Variants in TMEM106A observed in about 807,000 individuals in gnomAD.
The protein encoded by TMEM106A is transmembrane protein 106A.
TMEM106A carries 22 observed loss-of-function variants against 25.1 expected under a neutral mutation model. That is an observed-to-expected ratio of 0.88 (90% CI 0.63 to 1.25). TMEM106A has a LOEUF of 1.25. Among genes scored for constraint, TMEM106A ranks in the 50% most tolerant of loss-of-function variants. The pLI, the probability that TMEM106A is intolerant of heterozygous loss-of-function variation, is 0.00. For missense variants in TMEM106A, 275 were observed against 318.1 expected, an observed-to-expected ratio of 0.86 and a Z score of 1.03; for synonymous variants, 104 against 129.9, an observed-to-expected ratio of 0.80 and a Z score of 1.35.
intron 7 of TMEM106A, 146 bp downstream of exon 7, chr17:43,216,886 G>A (rs971524804): frequency 9.6e-7 from 1 of 1,045,968 alleles, no homozygotes; most frequent in African/African-American, 1.6e-5. Context: ...ATAAGCAAGG[G>A]TTCAGGGTCC....
Position 43,213,243 on chromosome 17 carries a change from A to G in TMEM106A, c.202A>G (p.Ile68Val). The G allele has an allele frequency of 6.2e-7, 1 of 1,614,194 alleles. No homozygotes were observed. Among genetic ancestry groups the G allele is most frequent in the Non-Finnish European group, 8.5e-7 (1 of 1,180,030 alleles). ...TCCCACCTGCCAGGGCAGTGGCAAG[A>G]TTCCCCAAGGTGAGTGGCCCAAGGC... ...TCPTCQGSGK[I>V]PQELEKQLVA... The change falls in exon 3 of 9, where the codon ATT becomes GTT. Residue 68 changes from isoleucine (I) to valine (V), a missense_variant. Coordinates refer to ENST00000612339, the MANE Select transcript of TMEM106A (RefSeq NM_145041.4).
chr17:43,216,083 G>A (rs1773144387), intron 5 of TMEM106A, 142 bp downstream of exon 5: 2 of 993,980 alleles, frequency 2.0e-6, no homozygotes, highest in Admixed American at 2.6e-5. Context: ...AGAAGTAGGA[G>A]CAACCATGAG....
intron 3 of TMEM106A, 91 bp from the exon 4 acceptor site, chr17:43,213,737 T>C (rs2057458401): frequency 3.2e-6 from 4 of 1,242,674 alleles, no homozygotes; most frequent in Non-Finnish European, 4.7e-6. Context: ...TGCTCTATGG[T>C]GTGGGTGGAG....
At chr17:43,213,916 T>C in intron 4 of TMEM106A, 25 bp downstream of exon 4, 4 of 1,613,504 alleles carry the variant, frequency 2.5e-6, no homozygotes, top group Non-Finnish European at 3.4e-6. Context: ...CTCCCCTAGC[T>C]TCACAAGCCA....
chr17:43,217,731 A>C lies in TMEM106A; in HGVS notation c.719A>C (p.Gln240Pro), dbSNP rs777121126. The C allele has an allele frequency of 3.1e-6, 5 of 1,614,168 alleles. No individual in the cohort carries two copies. The highest frequency in any genetic ancestry group is 1.6e-4 in the Middle Eastern group (1 of 6,062). Residue 240 changes from glutamine (Q) to proline (P), a missense_variant, in exon 9 of 9, where the codon CAG becomes CCG. Physicochemically the swap from Gln to Pro is moderately conservative, Grantham distance 76. Coordinates refer to ENST00000612339, the MANE Select transcript of TMEM106A (RefSeq NM_145041.4). ...YLSHSEQLVF[Q>P]SYEYVDCRGN... ...AGCCATTCAGAGCAGCTGGTCTTTC[A>C]GAGCTATGAATATGTGGACTGCCGA...
chr17:43,216,355 G>T (rs2057485788), intron 5 of TMEM106A, 94 bp from the exon 6 acceptor site: 1 of 1,515,370 alleles, frequency 6.6e-7, no homozygotes, highest in African/African-American at 1.4e-5. Flanking sequence ...ATGGTAGATG[G>T]GGCTCAGGCC....
intron 5 of TMEM106A, 196 bp downstream of exon 5, chr17:43,216,137 G>T: frequency 1.4e-6 from 1 of 731,768 alleles, no homozygotes; most frequent in Non-Finnish European, 2.2e-6. Context: ...ACAGTAAGGG[G>T]TCAGAATCCG....
intron 7 of TMEM106A, 87 bp downstream of exon 7, chr17:43,216,827 C>A: frequency 6.4e-7 from 1 of 1,559,370 alleles, no homozygotes; most frequent in South Asian, 1.1e-5. Flanking sequence ...GATTGCTTAG[C>A]AAATTCTTCA....
chr17:43,216,065 G>T (rs1208526562), intron 5 of TMEM106A, 124 bp downstream of exon 5: 8 of 1,259,222 alleles, frequency 6.4e-6, no homozygotes, highest in Non-Finnish European at 7.7e-6. Flanking sequence ...GGTGTTGGGA[G>T]CCTGAAGAGA....
chr17:43,213,826 A>G lies in TMEM106A; in HGVS notation c.212-2A>G. The G allele has an allele frequency of 6.2e-7, 1 of 1,613,916 alleles. No homozygotes were observed. The highest frequency in any genetic ancestry group is 8.5e-7 in the Non-Finnish European group (1 of 1,179,838). ...CCTCCCTCTCACCTTCTCTCTCTCT[A>G]GAGCTGGAGAAGCAGTTGGTGGCTC... is the stretch of plus-strand genomic sequence containing the variant. On this transcript the variant is annotated splice_acceptor_variant, in intron 3 of 8. Coordinates refer to ENST00000612339, the MANE Select transcript of TMEM106A (RefSeq NM_145041.4). LOFTEE classifies it high-confidence loss of function.
chr17:43,217,049 G>T lies in TMEM106A; in HGVS notation c.615-210G>T, dbSNP rs1164722823. The stretch of plus-strand genomic sequence containing the variant: ...CTGAATGGGGGTCCAGCATGTGCCT[G>T]GGCCAAGTGAGTGGAGGTCAGAGTG... On this transcript the variant is annotated intron_variant, in intron 7 of 8. Coordinates refer to ENST00000612339, the MANE Select transcript of TMEM106A (RefSeq NM_145041.4). 4 of 641,368 alleles carry T rather than the reference G, an allele frequency of 6.2e-6. No homozygotes were observed. In the East Asian group the frequency reaches 1.1e-4, roughly 17 times the overall value. 39.7% of individuals were successfully genotyped at this position (641,368 alleles called of 1,614,324 possible). A position where few individuals can be genotyped will look rare whatever the true frequency, so the allele number is the denominator to read the frequency against.
Position 43,215,890 on chromosome 17 carries a change from C to T in TMEM106A, c.378C>T (p.Leu126=), listed in dbSNP as rs2057480447. ...PRSVIVQPAG[L]NSSTVAFDEA... is the part of the protein sequence containing the mutation. ...CCGTCATTGTGCAGCCTGCAGGCCT[C>T]AACTCCTCCACAGTGGCCTTTGATG... Residue 126 remains leucine (L), a synonymous_variant, in exon 5 of 9, where the codon CTC becomes CTT. Coordinates refer to ENST00000612339, the MANE Select transcript of TMEM106A (RefSeq NM_145041.4). 1.2e-6 allele frequency: 2 copies of T among 1,614,126 alleles called. No individual in the cohort carries two copies. Among genetic ancestry groups the T allele is most frequent in the Non-Finnish European group, 8.5e-7 (1 of 1,180,032 alleles).
intron 1 of TMEM106A, 152 bp from the exon 2 acceptor site, chr17:43,212,075 C>T: frequency 6.6e-6 from 1 of 152,172 alleles, no homozygotes; most frequent in East Asian, 1.9e-4. Context: ...GACTTGAAAT[C>T]CTCCCTTAAT....
At position 43,213,031 on chromosome 17, in the gene TMEM106A, G is replaced by A. The variant is rs755293254; in HGVS notation, c.-11G>A. 70 of 1,613,814 alleles carry A rather than the reference G, an allele frequency of 4.3e-5. 1 individual carries two copies. Among genetic ancestry groups the A allele is most frequent in the East Asian group, 4.0e-4 (18 of 44,886 alleles). On this transcript the variant is annotated 5_prime_UTR_variant, in exon 3 of 9. Coordinates refer to ENST00000612339, the MANE Select transcript of TMEM106A (RefSeq NM_145041.4). Reference sequence around the variant, plus strand: ...GTCTTTTCTCATTAGTGAAACCCCCGCCCCTGAAGAATGGGTAAGACGTTT... The same window carrying A: ...GTCTTTTCTCATTAGTGAAACCCCCACCCCTGAAGAATGGGTAAGACGTTT...
rs1304287871 is a variant in TMEM106A at position 43,216,617 on chromosome 17, G to A, written c.570+28G>A. 2.5e-6 allele frequency: 4 copies of A among 1,614,146 alleles called. No homozygotes were observed. In the Admixed American group the frequency reaches 6.7e-5, roughly 27 times the overall value. On this transcript the variant is annotated intron_variant, in intron 6 of 8. Coordinates refer to ENST00000612339, the MANE Select transcript of TMEM106A (RefSeq NM_145041.4). ...GACTCCCCTCTCCCTGGCCAGCCCT[G>A]CCCACTGGTGTGTGGATGTGTGGTA...
chr17:43,216,810 C>A, intron 7 of TMEM106A, 70 bp downstream of exon 7: 1 of 1,592,430 alleles, frequency 6.3e-7, no homozygotes. Context: ...TACCCACCAG[C>A]TTTCCTGATT....
chr17:43,213,328 CT>C, intron 3 of TMEM106A, 76 bp downstream of exon 3: 4 of 1,493,096 alleles, frequency 2.7e-6, no homozygotes, highest in Non-Finnish European at 3.7e-6. Flanking sequence ...GGCAGCCCCT[CT>C]GAGTCTCCTT....
Position 43,217,450 on chromosome 17 carries a change from C to G in TMEM106A, c.668+138C>G, listed in dbSNP as rs2057497424. The G allele has an allele frequency of 8.4e-6, 11 of 1,304,462 alleles. No individual in the cohort carries two copies. In the Admixed American group the frequency reaches 2.0e-4, roughly 24 times the overall value. The allele number at this position is 1,304,462 out of a possible 1,614,324, so 80.8% of individuals were successfully genotyped here. A position where few individuals can be genotyped will look rare whatever the true frequency, so the allele number is the denominator to read the frequency against. Reference sequence around the variant, plus strand: ...GCTCTTGGGAATAGCAAGTCTAGCCCCTTTTCTGAGTCTCACCTTGCCTAT... The same window carrying G: ...GCTCTTGGGAATAGCAAGTCTAGCCGCTTTTCTGAGTCTCACCTTGCCTAT... On this transcript the variant is annotated intron_variant, in intron 8 of 8. Coordinates refer to ENST00000612339, the MANE Select transcript of TMEM106A (RefSeq NM_145041.4).
chr17:43,212,769 C>T (rs1320845465), intron 2 of TMEM106A, among the ~76,000 whole-genome samples: 1 of 152,200 alleles, frequency 6.6e-6, no homozygotes, highest in Non-Finnish European at 1.5e-5. Flanking sequence ...AGTGAAGTAA[C>T]TTCTGCTTTT....
Sources: allele counts gnomAD v4.1 joint callset (sites outside exome capture counted in the v4.1 genomes callset), GRCh38; gene constraint gnomAD v4.1.1; transcripts MANE v1.5; gene names NCBI Gene and HGNC (gene_info 2026-07-23, HGNC 2026-07-21).